Variants in KNL1 observed in about 807,000 individuals in gnomAD.
KNL1 encodes the protein kinetochore scaffold 1.
KNL1 carries 66 observed loss-of-function variants against 201.3 expected under a neutral mutation model. That is an observed-to-expected ratio of 0.33 (90% CI 0.27 to 0.40). The LOEUF is 0.40. Ranked by LOEUF, KNL1 falls within the 10% of genes least tolerant of loss-of-function variation. KNL1 has a pLI of 1.00. For missense variants in KNL1, 2,815 were observed against 2,690.5 expected (o/e 1.05, Z -1.02); for synonymous variants, 895 against 899.2 (o/e 1.00, Z 0.08).
chr15:40,613,308 A>C (rs1043056163), intron 7 of KNL1, among the ~76,000 whole-genome samples: 5 of 152,106 alleles, frequency 3.3e-5, no homozygotes, highest in African/African-American at 9.7e-5. Context: ...ATGTATATGT[A>C]GTGACTTATG....
chr15:40,603,171 T>C (rs1315506630), intron 2 of KNL1, among the ~76,000 whole-genome samples: 3 of 152,134 alleles, frequency 2.0e-5, no homozygotes, highest in Non-Finnish European at 4.4e-5. Context: ...ACATGTGCCA[T>C]GTTGGTTTGC....
intron 14 of KNL1, among the ~76,000 whole-genome samples, chr15:40,643,691 G>A (rs902850418): frequency 6.6e-6 from 1 of 152,134 alleles, no homozygotes; most frequent in Non-Finnish European, 1.5e-5. Flanking sequence ...TTATAGCAGC[G>A]ATCATTGACA....
Position 40,657,112 on chromosome 15 carries a change from C to T in KNL1, c.6555C>T (p.Ser2185=), listed in dbSNP as rs1893758011. The T allele has an allele frequency of 1.2e-6, 2 of 1,609,588 alleles. No homozygotes were observed. The highest frequency in any genetic ancestry group is 1.3e-5 in the African/African-American group (1 of 74,628). ...LIFQYVEEKE[S]WKKTCTTQHQ... is the part of the protein sequence containing the mutation. Reference sequence around the variant, plus strand: ...TCCAGTACGTTGAAGAAAAGGAATCCTGGAAGAAGACATGTACAACCCAGC... The same window carrying T: ...TCCAGTACGTTGAAGAAAAGGAATCTTGGAAGAAGACATGTACAACCCAGC... The change falls in exon 23 of 26, where the codon TCC becomes TCT. Residue 2185 remains serine, a synonymous_variant. Coordinates refer to ENST00000399668, the MANE Select transcript of KNL1 (RefSeq NM_144508.5).
chr15:40,605,406 T>A (rs1352332045), intron 3 of KNL1, among the ~76,000 whole-genome samples: 2 of 152,182 alleles, frequency 1.3e-5, no homozygotes, highest in African/African-American at 2.4e-5. Context: ...AAAGATATGT[T>A]TAACCTGTGG....
intron 5 of KNL1, among the ~76,000 whole-genome samples, chr15:40,609,205 C>T (rs1469168586): frequency 7.1e-6 from 1 of 141,478 alleles, no homozygotes; most frequent in Non-Finnish European, 1.5e-5. Flanking sequence ...GCCAATAGTT[C>T]GAGACTAGCC....
chr15:40,657,555 T>TCTG, intron 24 of KNL1, 82 bp downstream of exon 24: 1 of 751,874 alleles, frequency 1.3e-6, no homozygotes, highest in Admixed American at 2.0e-5. Context: ...GCTGGAGGTC[T>TCTG]GAGATTAAGG....
chr15:40,628,812 A>T (rs1892823602), intron 12 of KNL1, 134 bp downstream of exon 12: 1 of 527,198 alleles, frequency 1.9e-6, no homozygotes, highest in Non-Finnish European at 3.3e-6. Flanking sequence ...ACAGAAGACT[A>T]CTTTTCTTTG....
chr15:40,651,873 T>C (rs1410292226), intron 20 of KNL1, 132 bp from the exon 21 acceptor site: 12 of 586,676 alleles, frequency 2.0e-5, no homozygotes, highest in Non-Finnish European at 3.6e-5. Context: ...AATATATGAA[T>C]TGAAATATTT....
Position 40,622,718 on chromosome 15 carries a change from G to A in KNL1, c.2454G>A (p.Val818=), listed in dbSNP as rs2141721823. Residue 818 remains valine, a synonymous_variant, in exon 10 of 26, where the codon GTG becomes GTA. Transcript: ENST00000399668. ...AAAGTCCCATAGAAAAAAGTGGAGT[G>A]CTTAAATCTAACTGTATTATGGATG... ...CGKSPIEKSG[V]LKSNCIMDVL... 1 of 1,593,528 alleles carries A rather than the reference G, an allele frequency of 6.3e-7. No homozygotes were observed.
intron 24 of KNL1, 60 bp from the exon 25 acceptor site, chr15:40,659,276 AAAG>A: frequency 1.3e-6 from 2 of 1,510,032 alleles, no homozygotes; most frequent in Non-Finnish European, 1.8e-6. Context: ...AAAAAAAAAA[AAAG>A]AAATTGTGTT....
rs149312636 is a variant in KNL1 at position 40,645,796 on chromosome 15, TAGAA to T, written c.6006+28_6006+31del. On this transcript the variant is annotated intron_variant, in intron 16 of 25. Coordinates refer to ENST00000399668, the MANE Select transcript of KNL1 (RefSeq NM_144508.5). ...AGGTAATTTGAGACAGTTAATATCA[TAGAA>T]AGAGAGAGATATTAAAATTACTTTC... The T allele has an allele frequency of 6.9e-3, 8,194 of 1,182,378 alleles. 410 individuals carry two copies. In the African/African-American group the frequency reaches 0.12, roughly 17 times the overall value. The allele number at this position is 1,182,378 out of a possible 1,614,324, so 73.2% of individuals were successfully genotyped here.
rs1475754218 is a variant in KNL1 at position 40,607,797 on chromosome 15, CAAGTGTTGATG to C, written c.136-1048_136-1038del. Among the ~76,000 whole-genome samples, 4 of 151,958 alleles carry C rather than the reference CAAGTGTTGATG, an allele frequency of 2.6e-5. No homozygotes were observed. In the East Asian group the frequency reaches 5.8e-4, roughly 22 times the overall value. ...GGATGGTTAAAGTAAAAGACAATAA[CAAGTGTTGATG>C]AGGATGCAGAGAAATTGGAACACTT... On this transcript the variant is annotated intron_variant, in intron 4 of 25. Coordinates refer to ENST00000399668, the MANE Select transcript of KNL1 (RefSeq NM_144508.5).
chr15:40,624,798 C>T lies in KNL1; in HGVS notation c.4534C>T (p.Gln1512Ter). 6.2e-7 allele frequency: 1 copy of T among 1,613,578 alleles called. No homozygotes were observed. The highest frequency in any genetic ancestry group is 8.5e-7 in the Non-Finnish European group (1 of 1,179,860). The part of the protein sequence containing the change: ...ACKKELKENI[Q>*]TTNYNTALDF... ...TAAAAAAGAACTGAAGGAAAATATT[C>T]AAACAACTAACTATAATACAGCTCT... Residue 1512 changes from glutamine (Q) to a stop codon, truncating the protein, a stop_gained, in exon 10 of 26, where the codon CAA becomes TAA. Transcript: ENST00000399668. LOFTEE classifies it high-confidence loss of function.
chr15:40,651,075 C>A (rs192809748), intron 19 of KNL1, among the ~76,000 whole-genome samples: 1,511 of 115,898 alleles, frequency 0.013, 26 homozygotes, highest in African/African-American at 0.043. Context: ...CAAATACAGG[C>A]AAAAAAAAAA....
chr15:40,609,656 T>C (rs1014082918), intron 5 of KNL1, among the ~76,000 whole-genome samples: 2 of 152,122 alleles, frequency 1.3e-5, no homozygotes, highest in African/African-American at 4.8e-5. Flanking sequence ...GGAAGCTCCT[T>C]GAGTCAAGGA....
chr15:40,619,234 G>A (rs1260243192), intron 9 of KNL1, among the ~76,000 whole-genome samples: 1 of 151,882 alleles, frequency 6.6e-6, no homozygotes, highest in Non-Finnish European at 1.5e-5. Flanking sequence ...AGTTTAAAGA[G>A]CACATGAGTC....
In KNL1 at chr15:40,641,000, G is replaced by C. The variant is rs1893212035; in HGVS notation, c.5771G>C (p.Cys1924Ser). ...RPKIQIYRED[C>S]EARRQKIEEL... ...AAGATACAGATTTATAGAGAAGATT[G>C]TGAGGCTCGTCGCCAAAAGATTGAA... Residue 1924 changes from cysteine (C) to serine (S), a missense_variant, in exon 14 of 26, where the codon TGT (cysteine) becomes TCT (serine). Physicochemically the swap from Cys to Ser is moderately radical, Grantham distance 112. Coordinates refer to ENST00000399668, the MANE Select transcript of KNL1 (RefSeq NM_144508.5). The C allele has an allele frequency of 6.2e-7, 1 of 1,611,690 alleles. No homozygotes were observed. Among genetic ancestry groups the C allele is most frequent in the Admixed American group, 1.7e-5 (1 of 59,628 alleles).
intron 10 of KNL1, among the ~76,000 whole-genome samples, chr15:40,627,858 C>T (rs528079439): frequency 3.3e-5 from 5 of 152,270 alleles, no homozygotes; most frequent in African/African-American, 1.2e-4. Context: ...AATTTGCATA[C>T]ACAGTATAAT....
At position 40,610,241 on chromosome 15, in the gene KNL1, C is replaced by G. The variant is rs1294141260; in HGVS notation, c.198-4C>G. The G allele has an allele frequency of 6.9e-7, 1 of 1,449,250 alleles. No individual in the cohort carries two copies. Among genetic ancestry groups the G allele is most frequent in the Non-Finnish European group, 9.7e-7 (1 of 1,032,728 alleles). The allele number at this position is 1,449,250 out of a possible 1,614,324, so 89.8% of individuals were successfully genotyped here. A position where few individuals can be genotyped will look rare whatever the true frequency, so the allele number is the denominator to read the frequency against. ...TTTTCAATAATCTTTATTTTCTCTT[C>G]TAGGGTATTCCAGACGGAGTCTCAT... On this transcript the variant is annotated splice_polypyrimidine_tract_variant and splice_region_variant and intron_variant, in intron 5 of 25. Transcript: ENST00000399668.
Sources: allele counts gnomAD v4.1 joint callset (sites outside exome capture counted in the v4.1 genomes callset), GRCh38; gene constraint gnomAD v4.1.1; transcripts MANE v1.5; gene names NCBI Gene and HGNC (gene_info 2026-07-23, HGNC 2026-07-21).